PROKR2: variants seen among roughly 807,000 people sequenced by gnomAD.
PROKR2 encodes G protein-coupled receptor 73-like 1.
PROKR2 carries 26 observed loss-of-function variants against 23.4 expected under a neutral mutation model. The observed-to-expected ratio is 1.11, with a 90% CI of 0.81 to 1.54. The LOEUF is 1.54. PROKR2 is among the 40% of genes most tolerant of loss of function. The pLI, the probability that PROKR2 is intolerant of heterozygous loss-of-function variation, is 0.00. For missense variants in PROKR2, 453 were observed against 511.5 expected (o/e 0.89, Z 1.10); for synonymous variants, 212 against 201.2 (o/e 1.05, Z -0.45).
intron 2 of PROKR2, among the ~76,000 whole-genome samples, chr20:5,311,472 A>C (rs1374915142): frequency 6.6e-6 from 1 of 152,248 alleles, no homozygotes; most frequent in Non-Finnish European, 1.5e-5. Context: ...AGTGCTACAA[A>C]AAATGAAACC....
rs145341331 is a variant in PROKR2, at chr20:5,313,436, A to G, written c.458+476T>C. 2.8e-4 allele frequency among the ~76,000 whole-genome samples: 43 copies of G among 152,372 alleles called. 2 individuals are homozygous for G. In the East Asian group the frequency reaches 7.3e-3, roughly 26 times the overall value. On this transcript the variant is annotated intron_variant, in intron 2 of 2. Transcript: ENST00000678254. ...GAACAGGTGAAACTGAACTGTAATG[A>G]TAGAAATCAGATTGGTGGTTGCCTG...
chr20:5,306,706 G>C (rs773063134), intron 2 of PROKR2, among the ~76,000 whole-genome samples: 2 of 152,138 alleles, frequency 1.3e-5, no homozygotes, highest in East Asian at 1.9e-4. Context: ...ATTCCACACC[G>C]TTAATTAAAA....
At position 5,316,287 on chromosome 20, in the gene PROKR2, G is replaced by A. The variant is rs73596452; in HGVS notation, c.-9+207C>T. 6 of 456,492 alleles carry A rather than the reference G, an allele frequency of 1.3e-5. No homozygotes were observed. The highest frequency in any genetic ancestry group is 2.6e-5 in the Non-Finnish European group (6 of 226,958). The allele number at this position is 456,492 out of a possible 1,614,324, so 28.3% of individuals were successfully genotyped here. A position where few individuals can be genotyped will look rare whatever the true frequency, so the allele number is the denominator to read the frequency against. On this transcript the variant is annotated intron_variant, in intron 1 of 2. Transcript: ENST00000678254. This position sits in a 1 kb window ranked among gnomAD's most constrained non-coding sequence, Gnocchi z 5.0. The stretch of plus-strand genomic sequence containing the variant: ...CCGCACACCACAGACTCCGCTTACC[G>A]TACCCTACCCGGTCCTAGAGGGCCC...
rs1399171657 is a variant in PROKR2 at position 5,301,891 on chromosome 20, A to G, written c.*149T>C. The G allele has an allele frequency of 1.5e-6, 1 of 662,048 alleles. No homozygotes were observed. Among genetic ancestry groups the G allele is most frequent in the South Asian group, 1.9e-5 (1 of 53,992 alleles). 41.0% of individuals were successfully genotyped at this position (662,048 alleles called of 1,614,324 possible). ...TTTGGTTCATGTCTAGTCTCATTGTATGTTACGACTTTGCAGCATTCAGCT... is the reference window on the plus strand; with the variant it reads ...TTTGGTTCATGTCTAGTCTCATTGTGTGTTACGACTTTGCAGCATTCAGCT... On this transcript the variant is annotated 3_prime_UTR_variant, in exon 3 of 3. Transcript: ENST00000678254.
Position 5,302,121 on chromosome 20 carries a change from C to T in PROKR2, c.1074G>A (p.Gly358=). The T allele has an allele frequency of 1.2e-6, 2 of 1,614,188 alleles. No homozygotes were observed. The highest frequency in any genetic ancestry group is 1.7e-6 in the Non-Finnish European group (2 of 1,180,038). ...GGTCAAGGTCAGCACTGGACTTGCT[C>T]CCCCGCTGGGAGGGACGCCAGTGCA... The part of the protein sequence containing the change: ...MLLHWRPSQR[G]SKSSADLDLR... Residue 358 remains glycine (G), a synonymous_variant, in exon 3 of 3, where the codon GGG becomes GGA. Coordinates refer to ENST00000678254, the MANE Select transcript of PROKR2 (RefSeq NM_144773.4).
At chr20:5,308,923 A>T (rs541347251) in intron 2 of PROKR2, among the ~76,000 whole-genome samples, 1 of 152,238 alleles carries the variant, frequency 6.6e-6, no homozygotes, top group East Asian at 1.9e-4. Context: ...ATTAGAGGAG[A>T]TACCAAAGCA....
Position 5,302,206 on chromosome 20 carries a change from G to A in PROKR2, c.989C>T (p.Thr330Ile). The stretch of plus-strand genomic sequence containing the variant: ...GTTCTTGACCGTCACGAAGCACACG[G>A]TGTTGATCATGCTGTTGCTCATGGC... ...CIAMSNSMIN[T>I]VCFVTVKNNT... The change falls in exon 3 of 3, where the codon ACC becomes ATC. Residue 330 changes from threonine to isoleucine, a missense_variant. Physicochemically the swap from Thr to Ile is moderately conservative, Grantham distance 89. Coordinates refer to ENST00000678254, the MANE Select transcript of PROKR2 (RefSeq NM_144773.4). 1 of 1,614,232 alleles carries A rather than the reference G, an allele frequency of 6.2e-7. No homozygotes were observed. Among genetic ancestry groups the A allele is most frequent in the Non-Finnish European group, 8.5e-7 (1 of 1,180,046 alleles).
Position 5,299,832 on chromosome 20 carries a change from C to A in PROKR2, c.*2208G>T, listed in dbSNP as rs1978922980. 6.6e-6 allele frequency among the ~76,000 whole-genome samples: 1 copy of A among 152,046 alleles called. No homozygotes were observed. The highest frequency in any genetic ancestry group is 1.5e-5 in the Non-Finnish European group (1 of 68,026). ...GAGATGGGGTTTTTGGCCATGTTGG[C>A]CAGGCTGGTCTTGAACTCCTGACCT... On this transcript the variant is annotated 3_prime_UTR_variant, in exon 3 of 3. Transcript: ENST00000678254.
At chr20:5,313,828 G>A in intron 2 of PROKR2, 84 bp downstream of exon 2, 1 of 1,157,792 alleles carries the variant, frequency 8.6e-7, no homozygotes, top group Non-Finnish European at 1.3e-6. Context: ...TTCCTATCTG[G>A]AGCAATGTCA....
At chr20:5,313,831 C>T in intron 2 of PROKR2, 81 bp downstream of exon 2, 2 of 1,174,600 alleles carry the variant, frequency 1.7e-6, no homozygotes, top group East Asian at 5.0e-5. Flanking sequence ...CTATCTGGAG[C>T]AATGTCAGCC....
intron 2 of PROKR2, among the ~76,000 whole-genome samples, chr20:5,305,054 T>G (rs1184662921): frequency 6.6e-6 from 1 of 151,996 alleles, no homozygotes; most frequent in Non-Finnish European, 1.5e-5. Flanking sequence ...AATCAGTGAG[T>G]CAGGCCACCA....
intron 2 of PROKR2, among the ~76,000 whole-genome samples, chr20:5,309,880 A>G (rs1979368353): frequency 6.6e-6 from 1 of 152,236 alleles, no homozygotes; most frequent in Non-Finnish European, 1.5e-5. Flanking sequence ...TTTTTCCTCC[A>G]ATAACATCTT....
chr20:5,305,247 TG>T lies in PROKR2; in HGVS notation c.459-2512del, dbSNP rs576270977. ...GGCATTTCCAGCTCAGGCCATTCCC[TG>T]ACCCCTGTACAATGTCTGTCCCCTG... On this transcript the variant is annotated intron_variant, in intron 2 of 2. Coordinates refer to ENST00000678254, the MANE Select transcript of PROKR2 (RefSeq NM_144773.4). Among the ~76,000 whole-genome samples, 949 of 152,348 alleles carry T rather than the reference TG, an allele frequency of 6.2e-3. 10 individuals carry two copies. Among genetic ancestry groups the T allele is most frequent in the African/African-American group, 0.022 (897 of 41,588 alleles).
rs1280128456 is a variant in PROKR2 at position 5,302,559 on chromosome 20, C to T, written c.636G>A (p.Trp212Ter). The change falls in exon 3 of 3, where the codon TGG becomes TGA. Residue 212 changes from tryptophan (W) to a stop codon, truncating the protein, a stop_gained. Transcript: ENST00000678254. LOFTEE classifies it high-confidence loss of function. ...TGTAGTAGAGCTGCTGATCCACAGGCCAGATCTGGCCACAGAAGATCTTCT... is the reference window on the plus strand; with the variant it reads ...TGTAGTAGAGCTGCTGATCCACAGGTCAGATCTGGCCACAGAAGATCTTCT... Reference protein sequence around the residue: ...SQEKIFCGQIWPVDQQLYYKS... With the variant: ...SQEKIFCGQI 1 of 1,614,180 alleles carries T rather than the reference C, an allele frequency of 6.2e-7. No individual in the cohort carries two copies. Among genetic ancestry groups the T allele is most frequent in the South Asian group, 1.1e-5 (1 of 91,072 alleles).
At chr20:5,313,272 C>A (rs570683876) in intron 2 of PROKR2, among the ~76,000 whole-genome samples, 1 of 152,356 alleles carries the variant, frequency 6.6e-6, no homozygotes, top group Non-Finnish European at 1.5e-5. Flanking sequence ...AGCACACCAA[C>A]ATATGCAGAA....
intron 2 of PROKR2, among the ~76,000 whole-genome samples, 170 bp downstream of exon 2, chr20:5,313,742 T>C (rs541541792): frequency 6.6e-6 from 1 of 152,358 alleles, no homozygotes; most frequent in East Asian, 1.9e-4. Flanking sequence ...GCAGCCCCAG[T>C]CTTGCTCACA....
chr20:5,316,170 C>T lies in PROKR2; in HGVS notation c.-9+324G>A, dbSNP rs1311612584. The T allele has an allele frequency of 1.5e-5, 7 of 456,682 alleles. No individual in the cohort carries two copies. The highest frequency in any genetic ancestry group is 4.7e-5 in the Admixed American group (2 of 42,580). The allele number at this position is 456,682 out of a possible 1,614,324, so 28.3% of individuals were successfully genotyped here. On this transcript the variant is annotated intron_variant, in intron 1 of 2. Transcript: ENST00000678254. This position sits in a 1 kb window ranked among gnomAD's most constrained non-coding sequence, Gnocchi z 5.0. ...CGGACGCTTGCTGTTTCCTGCTCAC[C>T]TTTCAGGAAGGTGCCCCTCTACCTG...
intron 2 of PROKR2, among the ~76,000 whole-genome samples, chr20:5,312,267 C>T (rs1047790902): frequency 2.6e-5 from 4 of 152,174 alleles, no homozygotes; most frequent in Non-Finnish European, 2.9e-5. Flanking sequence ...CCACCACGCC[C>T]AACTAATTTT....
Sources: gnomAD v4.1 joint callset for allele counts (sites outside exome capture counted in the v4.1 genomes callset) on GRCh38, gnomAD v4.1.1 for gene constraint, Gnocchi (gnomAD v3.1) non-coding constraint, MANE v1.5 for transcripts, NCBI Gene and HGNC (gene_info 2026-07-23, HGNC 2026-07-21) for gene names.